LOXHD1: variants seen among roughly 807,000 people sequenced by gnomAD.
LOXHD1 encodes the protein lipoxygenase homology domain-containing protein 1.
Under a neutral mutation model 248.2 loss-of-function variants are expected in LOXHD1, and 205 were observed. The ratio of observed to expected loss-of-function variants is 0.83; its 90% CI spans 0.74 to 0.93. LOXHD1 has a LOEUF of 0.93. Ranked by LOEUF, LOXHD1 falls within the 40% of genes least tolerant of loss-of-function variation. The pLI is 0.00. For missense variants in LOXHD1, 2,930 were observed against 2,971.6 expected, an observed-to-expected ratio of 0.99 and a Z score of 0.33; for synonymous variants, 1,113 against 1,162.8, an observed-to-expected ratio of 0.96 and a Z score of 0.87.
intron 8 of LOXHD1, among the ~76,000 whole-genome samples, chr18:46,596,174 T>C (rs1246540440): frequency 1.3e-5 from 2 of 151,578 alleles, no homozygotes; most frequent in Non-Finnish European, 2.9e-5. Context: ...TTAAAAATAA[T>C]TTAGTGTAAT....
intron 6 of LOXHD1, 33 bp from the exon 7 acceptor site, chr18:46,604,262 T>A (rs2038381114): frequency 1.9e-6 from 3 of 1,551,084 alleles, no homozygotes; most frequent in Non-Finnish European, 2.6e-6. Context: ...AGGATGTAGA[T>A]AAGTGTTGTT....
At chr18:46,656,859 G>C in intron 1 of LOXHD1, 45 bp downstream of exon 1, 1 of 1,543,062 alleles carries the variant, frequency 6.5e-7, no homozygotes, top group Non-Finnish European at 8.8e-7. Flanking sequence ...CCTGCCCACC[G>C]CAGCCAGCTG....
rs1400829400 is a variant in LOXHD1, at chr18:46,522,071, C to T, written c.5085+30G>A. 4 of 1,498,246 alleles carry T rather than the reference C, an allele frequency of 2.7e-6. No individual in the cohort carries two copies. The East Asian group carries it at 7.7e-5, about 29-fold the overall frequency. 92.8% of individuals were successfully genotyped at this position (1,498,246 alleles called of 1,614,324 possible). A position where few individuals can be genotyped will look rare whatever the true frequency, so the allele number is the denominator to read the frequency against. On this transcript the variant is annotated intron_variant, in intron 32 of 40. Coordinates refer to ENST00000642948, the MANE Select transcript of LOXHD1 (RefSeq NM_001384474.1). ...CAGCTCTGTCTATCCCTAGGGTGGT[C>T]ACTATCATGGGGCCCCGAGAAGCCA...
At chr18:46,635,583 T>C (rs2038882849) in intron 4 of LOXHD1, among the ~76,000 whole-genome samples, 1 of 152,168 alleles carries the variant, frequency 6.6e-6, no homozygotes, top group African/African-American at 2.4e-5. Context: ...AAGGCTGGTA[T>C]TGTTTACCAG....
chr18:46,593,481 C>T (rs1253663058), intron 10 of LOXHD1, 119 bp downstream of exon 10: 5 of 1,120,192 alleles, frequency 4.5e-6, no homozygotes, highest in South Asian at 3.2e-5. Context: ...AAATCTCCAT[C>T]GTACATTTTT....
intron 29 of LOXHD1, among the ~76,000 whole-genome samples, chr18:46,528,679 T>G (rs1203576471): frequency 6.6e-6 from 1 of 152,092 alleles, no homozygotes; most frequent in Non-Finnish European, 1.5e-5. Flanking sequence ...CAACACAATT[T>G]AGCCAATTCA....
chr18:46,652,285 C>G (rs1052652236), intron 1 of LOXHD1, among the ~76,000 whole-genome samples: 1 of 152,094 alleles, frequency 6.6e-6, no homozygotes, highest in Non-Finnish European at 1.5e-5. Context: ...TTTAAATGGT[C>G]CATGAATTGA....
Position 46,485,078 on chromosome 18 carries a change from C to T in LOXHD1, c.6123G>A (p.Arg2041=), listed in dbSNP as rs763808404. ...RENVWLILEG[R]KNRSKEFLME... ...TGAGAAACTCTTTGGATCGGTTCTT[C>T]CTGCCCTCCAGGATGAGCCAGACGT... is the stretch of plus-strand genomic sequence containing the variant. The change falls in exon 39 of 41, where the codon AGG becomes AGA. Residue 2041 remains arginine (R), a synonymous_variant. Transcript: ENST00000642948. 22 of 1,550,742 alleles carry T rather than the reference C, an allele frequency of 1.4e-5. No individual in the cohort carries two copies. The Admixed American group carries it at 3.3e-4, about 24-fold the overall frequency.
chr18:46,494,241 A>ACT (rs2033684450), intron 37 of LOXHD1, among the ~76,000 whole-genome samples: 2 of 152,218 alleles, frequency 1.3e-5, no homozygotes, highest in Non-Finnish European at 1.5e-5. Flanking sequence ...GGGAATGAGA[A>ACT]TCATATCTTA....
Position 46,594,379 on chromosome 18 carries a change from C to T in LOXHD1, c.1222G>A (p.Glu408Lys). Residue 408 changes from glutamate to lysine, a missense_variant, in exon 9 of 41, where the codon GAG becomes AAG. Physicochemically the swap from Glu to Lys is moderately conservative, Grantham distance 56. Transcript: ENST00000642948. Reference protein sequence around the residue: ...LDEKKADGLIERQLYEMVSLR... With the variant: ...LDEKKADGLIKRQLYEMVSLR... Reference sequence around the variant, plus strand: ...GACACCATCTCATAGAGCTGCCTCTCAATCAACCCATCCGCTTTCTTCTCA... The same window carrying T: ...GACACCATCTCATAGAGCTGCCTCTTAATCAACCCATCCGCTTTCTTCTCA... 1.3e-6 allele frequency: 2 copies of T among 1,551,668 alleles called. No individual in the cohort carries two copies. Among genetic ancestry groups the T allele is most frequent in the South Asian group, 1.2e-5 (1 of 84,058 alleles).
At chr18:46,632,135 C>T (rs1464361709) in intron 4 of LOXHD1, among the ~76,000 whole-genome samples, 3 of 152,208 alleles carry the variant, frequency 2.0e-5, no homozygotes, top group Non-Finnish European at 4.4e-5. Flanking sequence ...ATAGCCGCTA[C>T]TTCTCGGAGT....
chr18:46,516,349 T>G (rs1390401189), intron 34 of LOXHD1, among the ~76,000 whole-genome samples: 2 of 152,188 alleles, frequency 1.3e-5, no homozygotes, highest in Admixed American at 1.3e-4. Context: ...GCCATTATTA[T>G]TATCACGACT....
chr18:46,520,415 C>T (rs2035517698), intron 33 of LOXHD1: 2 of 411,260 alleles, frequency 4.9e-6, no homozygotes, highest in South Asian at 3.8e-5. Flanking sequence ...GAGAAACCCA[C>T]AGGGTCAGGT....
chr18:46,647,345 T>C (rs907227262), intron 2 of LOXHD1, among the ~76,000 whole-genome samples: 2 of 152,190 alleles, frequency 1.3e-5, no homozygotes, highest in Admixed American at 6.5e-5. Flanking sequence ...TCAGGGGCCC[T>C]TCCTGAGAAG....
At chr18:46,598,884 T>C (rs1445921622) in intron 8 of LOXHD1, among the ~76,000 whole-genome samples, 1 of 152,176 alleles carries the variant, frequency 6.6e-6, no homozygotes, top group Non-Finnish European at 1.5e-5. Context: ...AACGAATCTA[T>C]AGGTCCAAAT....
In LOXHD1 at chr18:46,601,461, G is replaced by T. The variant is rs748673610; in HGVS notation, c.890C>A (p.Thr297Lys). 1 of 1,551,608 alleles carries T rather than the reference G, an allele frequency of 6.4e-7. No individual in the cohort carries two copies. The highest frequency in any genetic ancestry group is 1.4e-5 in the African/African-American group (1 of 73,014). ...LVGGAETTAI[T>K]YIVTVFTGDV... ...CCCAGTGAAGACGGTGACAATATAC[G>T]TAATAGCTGGTGTGGAAACAACAGG... Residue 297 changes from threonine to lysine, a missense_variant, in exon 8 of 41, where the codon ACG becomes AAG. By Grantham distance (78) the Thr-to-Lys change is moderately conservative. Coordinates refer to ENST00000642948, the MANE Select transcript of LOXHD1 (RefSeq NM_001384474.1).
At chr18:46,624,233 C>G (rs1036051765) in intron 4 of LOXHD1, among the ~76,000 whole-genome samples, 1 of 152,226 alleles carries the variant, frequency 6.6e-6, no homozygotes, top group Non-Finnish European at 1.5e-5. Context: ...CCCTCACTTC[C>G]GCTCACTGAG....
intron 5 of LOXHD1, 25 bp downstream of exon 5, chr18:46,618,167 G>GA (rs997973233): frequency 8.5e-6 from 13 of 1,520,696 alleles, no homozygotes; most frequent in African/African-American, 1.4e-5. Context: ...CTTGGCTTAT[G>GA]AAAAAAATAA....
intron 38 of LOXHD1, among the ~76,000 whole-genome samples, chr18:46,486,738 A>G (rs2143585382): frequency 6.6e-6 from 1 of 152,228 alleles, no homozygotes; most frequent in African/African-American, 2.4e-5. Flanking sequence ...ACCGTGATGG[A>G]CTCAAGTAGG....
Sources: allele counts gnomAD v4.1 joint callset (sites outside exome capture counted in the v4.1 genomes callset), GRCh38; gene constraint gnomAD v4.1.1; transcripts MANE v1.5; gene names NCBI Gene and HGNC (gene_info 2026-07-23, HGNC 2026-07-21).